The following PXDNL variants were observed in gnomAD, a reference collection of about 807,000 sequenced individuals.
The protein encoded by PXDNL is peroxidasin like.
A neutral mutation model predicts 150.8 loss-of-function variants in PXDNL; 145 were observed. The observed-to-expected ratio is 0.96, with a 90% confidence interval of 0.84 to 1.10. The LOEUF is 1.10. Ranked by LOEUF, PXDNL falls within the 50% of genes least tolerant of loss-of-function variation. The probability of loss-of-function intolerance (pLI) is 0.00; values close to 1 mark genes in which losing one functional copy is unlikely to be tolerated. For missense variants in PXDNL, 2,087 were observed against 1,873.9 expected (o/e 1.11, Z -2.10); for synonymous variants, 757 against 725.7 (o/e 1.04, Z -0.69).
chr8:51,590,975 C>T (rs965382307), intron 3 of PXDNL, among the ~76,000 whole-genome samples: 39 of 152,230 alleles, frequency 2.6e-4, no homozygotes, highest in Non-Finnish European at 2.1e-4. Context: ...CTCTAAAACT[C>T]ATATAGAAAT....
intron 15 of PXDNL, among the ~76,000 whole-genome samples, chr8:51,411,845 C>T (rs1487476079): frequency 1.3e-5 from 2 of 152,152 alleles, no homozygotes; most frequent in Non-Finnish European, 2.9e-5. Context: ...TAGAATCCTC[C>T]TCAGGCCTCA....
At chr8:51,507,519 C>T (rs970549226) in intron 4 of PXDNL, among the ~76,000 whole-genome samples, 3 of 152,274 alleles carry the variant, frequency 2.0e-5, no homozygotes, top group East Asian at 1.9e-4. Context: ...GTGATTTGAA[C>T]TTTACCTTAA....
intron 4 of PXDNL, among the ~76,000 whole-genome samples, chr8:51,539,994 T>G (rs58708912): frequency 0.052 from 7,911 of 151,710 alleles, 511 homozygotes; most frequent in African/African-American, 0.15. Flanking sequence ...GTGCAGTGGC[T>G]CAATCTCAAC....
At chr8:51,385,552 C>A (rs185409051) in intron 17 of PXDNL, among the ~76,000 whole-genome samples, 2 of 152,298 alleles carry the variant, frequency 1.3e-5, no homozygotes, top group Admixed American at 1.3e-4. Context: ...GACTAAAAAA[C>A]GACTAATTAA....
chr8:51,494,188 T>G (rs1431933817), intron 5 of PXDNL, among the ~76,000 whole-genome samples: 3 of 152,078 alleles, frequency 2.0e-5, no homozygotes, highest in Non-Finnish European at 2.9e-5. Flanking sequence ...CTAAGCTTCA[T>G]AACTGAAGGA....
At chr8:51,649,263 T>G (rs1029935479) in intron 2 of PXDNL, among the ~76,000 whole-genome samples, 4 of 152,214 alleles carry the variant, frequency 2.6e-5, no homozygotes, top group Non-Finnish European at 5.9e-5. Context: ...TTGGTTTAAT[T>G]GTCATTTTCT....
intron 8 of PXDNL, among the ~76,000 whole-genome samples, chr8:51,462,445 A>G (rs1159423124): frequency 6.6e-6 from 1 of 152,202 alleles, no homozygotes; most frequent in Non-Finnish European, 1.5e-5. Flanking sequence ...ACATTTTAAG[A>G]AAGAACCAAA....
intron 1 of PXDNL, among the ~76,000 whole-genome samples, chr8:51,747,719 T>A (rs1057382023): frequency 6.6e-6 from 1 of 152,210 alleles, no homozygotes; most frequent in African/African-American, 2.4e-5. Flanking sequence ...TTAGCTGGTG[T>A]CACAGTAGCT....
intron 4 of PXDNL, among the ~76,000 whole-genome samples, chr8:51,538,119 G>A (rs1311071416): frequency 1.3e-5 from 2 of 152,206 alleles, no homozygotes; most frequent in Admixed American, 6.5e-5. Context: ...CGGTGAAATT[G>A]CAATGCCCAA....
chr8:51,340,155 G>A, intron 20 of PXDNL: 1 of 153,826 alleles, frequency 6.5e-6, no homozygotes, highest in Non-Finnish European at 1.4e-5. Flanking sequence ...TAGCCAGGTA[G>A]GGAAGCTGCT....
At chr8:51,578,092 GAAAGAAAGAA>G (rs995127418) in intron 3 of PXDNL, among the ~76,000 whole-genome samples, 5 of 137,518 alleles carry the variant, frequency 3.6e-5, no homozygotes, top group African/African-American at 5.8e-5. Flanking sequence ...AAAAGAGAAA[GAAAGAAAGAA>G]AAAGAAAGAA....
chr8:51,422,584 A>G (rs1808984246), intron 14 of PXDNL, among the ~76,000 whole-genome samples: 1 of 152,228 alleles, frequency 6.6e-6, no homozygotes, highest in Non-Finnish European at 1.5e-5. Context: ...TAAACCCATA[A>G]GGCGTGGAAA....
At chr8:51,535,914 G>A (rs570667538) in intron 4 of PXDNL, among the ~76,000 whole-genome samples, 9 of 151,916 alleles carry the variant, frequency 5.9e-5, no homozygotes, top group South Asian at 2.1e-4. Flanking sequence ...CCCTGCATTC[G>A]CTCTCTTTTA....
chr8:51,726,807 C>G (rs895642179), intron 1 of PXDNL, among the ~76,000 whole-genome samples: 1 of 152,090 alleles, frequency 6.6e-6, no homozygotes, highest in African/African-American at 2.4e-5. Context: ...AAAAAATAAC[C>G]TACTATACTG....
intron 4 of PXDNL, among the ~76,000 whole-genome samples, 175 bp from the exon 5 acceptor site, chr8:51,499,945 C>A (rs1252121858): frequency 6.6e-6 from 1 of 152,172 alleles, no homozygotes; most frequent in Non-Finnish European, 1.5e-5. Context: ...TCGTCACAGT[C>A]CCGGGTCTAA....
intron 17 of PXDNL, among the ~76,000 whole-genome samples, chr8:51,407,149 A>G (rs2130882086): frequency 6.6e-6 from 1 of 152,298 alleles, no homozygotes; most frequent in Non-Finnish European, 1.5e-5. Flanking sequence ...ATCCAAATCA[A>G]TGTCCTTTCC....
intron 2 of PXDNL, among the ~76,000 whole-genome samples, chr8:51,608,002 G>GAAGAAAGAAAGAGAAAGA (rs1381274367): frequency 4.6e-5 from 3 of 64,678 alleles, no homozygotes; most frequent in African/African-American, 2.5e-4. Context: ...AGGAAGGAAG[G>GAAGAAAGAAAGAGAAAGA]AAGAAAGAAA....
At position 51,777,355 on chromosome 8, in the gene PXDNL, A is replaced by G. The variant is rs149730736; in HGVS notation, c.164+31826T>C. Among the ~76,000 whole-genome samples, 462 of 152,340 alleles carry G rather than the reference A, an allele frequency of 3.0e-3. 1 individual carries two copies. Among genetic ancestry groups the G allele is most frequent in the Non-Finnish European group, 5.2e-3 (353 of 68,028 alleles). ...CAATACACACCAAGTGCTTGGGATG[A>G]CACTTGGAATGCAAGAATTCTTAAT... On this transcript the variant is annotated intron_variant, in intron 1 of 22. Coordinates refer to ENST00000356297, the MANE Select transcript of PXDNL (RefSeq NM_144651.5).
At chr8:51,615,963 C>T (rs1444533118) in intron 2 of PXDNL, among the ~76,000 whole-genome samples, 4 of 152,126 alleles carry the variant, frequency 2.6e-5, no homozygotes, top group Non-Finnish European at 5.9e-5. Flanking sequence ...GTGTCACCTG[C>T]CCTCCACCAC....
Sources: allele counts gnomAD v4.1 joint callset (sites outside exome capture counted in the v4.1 genomes callset), GRCh38; gene constraint gnomAD v4.1.1; transcripts MANE v1.5; gene names NCBI Gene and HGNC (gene_info 2026-07-23, HGNC 2026-07-21).